Variants in GSTO2 observed in about 807,000 individuals in gnomAD.
The protein encoded by GSTO2 is glutathione S-transferase omega 2, also known as glutathione S-transferase omega-2.
A neutral mutation model predicts 28.4 loss-of-function variants in GSTO2; 23 were observed. The observed-to-expected ratio is 0.81, with a 90% CI of 0.58 to 1.15. GSTO2 has a LOEUF of 1.15. Ranked by LOEUF, GSTO2 falls within the 50% of genes most tolerant of loss-of-function variation. The probability of loss-of-function intolerance (pLI) is 0.00; values close to 1 mark genes in which losing one functional copy is unlikely to be tolerated. For synonymous variants in GSTO2, 109 were observed against 111.0 expected (o/e 0.98, Z 0.11); for missense variants, 298 against 297.8 (o/e 1.00, Z 0.00).
chr10:104,283,637 A>G (rs1472795146), intron 5 of GSTO2, among the ~76,000 whole-genome samples: 1 of 152,160 alleles, frequency 6.6e-6, no homozygotes, highest in East Asian at 1.9e-4. Context: ...AAAACAAATA[A>G]ACAAAGAATT....
intron 1 of GSTO2, among the ~76,000 whole-genome samples, chr10:104,269,695 T>C (rs589007): frequency 0.012 from 1,850 of 152,310 alleles, 26 homozygotes; most frequent in African/African-American, 0.042. Context: ...CCCTGCTACA[T>C]TGAAATAATC....
chr10:104,277,668 C>G (rs2011716412), intron 3 of GSTO2, among the ~76,000 whole-genome samples: 1 of 152,140 alleles, frequency 6.6e-6, no homozygotes, highest in East Asian at 1.9e-4. Flanking sequence ...GAGCCTACTT[C>G]AGGGGGAATT....
At chr10:104,298,955 CAAAAATA>C (rs2013166339) in intron 6 of GSTO2, among the ~76,000 whole-genome samples, 166 bp from the exon 7 acceptor site, 2 of 152,160 alleles carry the variant, frequency 1.3e-5, no homozygotes, top group South Asian at 4.1e-4. Context: ...TCAACTATTC[CAAAAATA>C]AGATTTTCCT....
rs1002717926 is a variant in GSTO2, at chr10:104,300,804, C to G, written c.*1520C>G. ...TGCCTTGTCTGTGCTCCCTAAGGAG[C>G]TGTCTGCCACCTCTGCCTCTGAGAC... On this transcript the variant is annotated 3_prime_UTR_variant, in exon 7 of 7. Transcript: ENST00000338595. The G allele has an allele frequency of 6.6e-6, 1 of 152,374 alleles. No individual in the cohort carries two copies. The highest frequency in any genetic ancestry group is 1.5e-5 in the Non-Finnish European group (1 of 68,158). The allele number at this position is 152,374 out of a possible 1,614,324, so 9.4% of individuals were successfully genotyped here.
chr10:104,289,823 A>G (rs1436465495), intron 5 of GSTO2, among the ~76,000 whole-genome samples: 1 of 152,166 alleles, frequency 6.6e-6, no homozygotes, highest in Non-Finnish European at 1.5e-5. Flanking sequence ...AAACAGACAT[A>G]TGAAAAGGTG....
intron 5 of GSTO2, among the ~76,000 whole-genome samples, chr10:104,289,363 T>C (rs1262645733): frequency 5.3e-5 from 8 of 152,306 alleles, no homozygotes; most frequent in Admixed American, 5.2e-4. Context: ...CCCAAAGTAC[T>C]AGGATAAAAG....
intron 3 of GSTO2, among the ~76,000 whole-genome samples, chr10:104,275,846 T>C (rs2011609561): frequency 6.6e-6 from 1 of 152,222 alleles, no homozygotes; most frequent in African/African-American, 2.4e-5. Flanking sequence ...GCCTGTCACA[T>C]AGTGGATGCT....
intron 3 of GSTO2, among the ~76,000 whole-genome samples, chr10:104,276,626 C>T (rs1045747809): frequency 6.6e-6 from 1 of 152,176 alleles, no homozygotes; most frequent in African/African-American, 2.4e-5. Flanking sequence ...CACTTCTAGT[C>T]GAGACCCATT....
At chr10:104,298,040 G>T (rs80113875) in intron 6 of GSTO2, among the ~76,000 whole-genome samples, 5,735 of 152,172 alleles carry the variant, frequency 0.038, 385 homozygotes, top group African/African-American at 0.13. Flanking sequence ...GGGTCCCCAG[G>T]GGACACCATA....
Position 104,299,293 on chromosome 10 carries a change from G to T in GSTO2, c.*9G>T. 2 of 1,613,774 alleles carry T rather than the reference G, an allele frequency of 1.2e-6. No homozygotes were observed. The highest frequency in any genetic ancestry group is 1.7e-6 in the Non-Finnish European group (2 of 1,179,876). On this transcript the variant is annotated 3_prime_UTR_variant, in exon 7 of 7. Transcript: ENST00000338595. ...ACTTTGGGCTGTGCTGAGTCTCACT[G>T]TCCACCCCTTCGCTGTCCAGAATTC...
At chr10:104,274,093 C>A (rs2011523088) in intron 1 of GSTO2, among the ~76,000 whole-genome samples, 1 of 152,164 alleles carries the variant, frequency 6.6e-6, no homozygotes, top group African/African-American at 2.4e-5. Flanking sequence ...TGCAAGTCGC[C>A]CCTATATGGC....
intron 1 of GSTO2, among the ~76,000 whole-genome samples, chr10:104,273,648 A>G (rs189560263): frequency 9.8e-5 from 15 of 152,380 alleles, no homozygotes; most frequent in Non-Finnish European, 1.3e-4. Flanking sequence ...ATTACGTGCT[A>G]TATCTTTTCC....
chr10:104,273,575 A>AT (rs1185591050), intron 1 of GSTO2, among the ~76,000 whole-genome samples: 1 of 152,264 alleles, frequency 6.6e-6, no homozygotes, highest in East Asian at 1.9e-4. Flanking sequence ...TATAAGCTAC[A>AT]TAATTAGGCT....
At chr10:104,272,587 C>CTTTTTTTTTGTTTTT (rs2011461752) in intron 1 of GSTO2, among the ~76,000 whole-genome samples, 1 of 49,280 alleles carries the variant, frequency 2.0e-5, no homozygotes, top group Non-Finnish European at 3.8e-5. Context: ...AGTTATGGGA[C>CTTTTTTTTTGTTTTT]TTTTTTTTTT....
intron 5 of GSTO2, among the ~76,000 whole-genome samples, chr10:104,292,754 C>G (rs762825163): frequency 6.6e-6 from 1 of 152,182 alleles, no homozygotes; most frequent in African/African-American, 2.4e-5. Flanking sequence ...CCATGCCTGG[C>G]TGTATCTTTA....
chr10:104,271,476 A>C (rs1412262049), intron 1 of GSTO2, among the ~76,000 whole-genome samples: 4 of 152,184 alleles, frequency 2.6e-5, no homozygotes. Context: ...ACAATTCATA[A>C]AGTAGGTATT....
chr10:104,283,102 AGCTG>A (rs1356534591), intron 5 of GSTO2, among the ~76,000 whole-genome samples: 2 of 152,232 alleles, frequency 1.3e-5, no homozygotes, highest in African/African-American at 2.4e-5. Flanking sequence ...TAAACTCAAG[AGCTG>A]GCAAAAGATG....
chr10:104,294,036 T>C (rs2012911715), intron 5 of GSTO2, among the ~76,000 whole-genome samples: 1 of 152,098 alleles, frequency 6.6e-6, no homozygotes, highest in South Asian at 2.1e-4. Flanking sequence ...TGTTTTCCTC[T>C]CCCCTTTGGC....
chr10:104,286,493 T>C (rs922568569), intron 5 of GSTO2, among the ~76,000 whole-genome samples: 12 of 152,256 alleles, frequency 7.9e-5, no homozygotes, highest in African/African-American at 2.7e-4. Context: ...GGTTCCACTC[T>C]TGGAACTAAT....
Sources: gnomAD v4.1 joint callset for allele counts (sites outside exome capture counted in the v4.1 genomes callset) on GRCh38, gnomAD v4.1.1 for gene constraint, MANE v1.5 for transcripts, NCBI Gene and HGNC (gene_info 2026-07-23, HGNC 2026-07-21) for gene names.